The following SLC6A13 variants were observed in gnomAD, a reference collection of about 807,000 sequenced individuals.
The protein encoded by SLC6A13 is sodium- and chloride-dependent GABA transporter 2.
In SLC6A13, 69 loss-of-function variants were observed where a neutral mutation model predicts 72.9. The ratio of observed to expected loss-of-function variants is 0.95; its 90% CI spans 0.78 to 1.16. The LOEUF is 1.16. Ranked by LOEUF, SLC6A13 falls within the 50% of genes most tolerant of loss-of-function variation. SLC6A13 has a pLI of 0.00. For missense variants in SLC6A13, 735 were observed against 760.5 expected (o/e 0.97, Z 0.39); for synonymous variants, 303 against 303.0 (o/e 1.00, Z 0.00).
intron 2 of SLC6A13, among the ~76,000 whole-genome samples, chr12:256,222 T>C (rs1328770714): frequency 6.6e-6 from 1 of 152,198 alleles, no homozygotes; most frequent in East Asian, 1.9e-4. Context: ...AATTGGTCCG[T>C]TTTGATTATA....
intron 4 of SLC6A13, among the ~76,000 whole-genome samples, chr12:239,602 T>G (rs1463108257): frequency 6.6e-6 from 1 of 152,244 alleles, no homozygotes; most frequent in Admixed American, 6.5e-5. Flanking sequence ...GCTGCTGCTT[T>G]CTAAGCAGAC....
In SLC6A13 at chr12:227,649, G is replaced by A; in HGVS notation, c.851C>T (p.Thr284Ile). 1.9e-6 allele frequency: 3 copies of A among 1,611,354 alleles called. No homozygotes were observed. Among genetic ancestry groups the A allele is most frequent in the East Asian group, 2.2e-5 (1 of 44,808 alleles). Residue 284 changes from threonine to isoleucine, a missense_variant, in exon 8 of 15, where the codon ACC becomes ATC. Coordinates refer to ENST00000343164, the MANE Select transcript of SLC6A13 (RefSeq NM_016615.5). ...WDPQVWMDAG[T>I]QIFFSFAICL... ...GATGGCGAAGGAGAAGAATATCTGG[G>A]TGCCTGCATCCATCCACACCTACAA...
intron 7 of SLC6A13, among the ~76,000 whole-genome samples, chr12:231,577 C>T (rs1941710890): frequency 6.6e-6 from 1 of 152,142 alleles, no homozygotes; most frequent in African/African-American, 2.4e-5. Context: ...AGGACCAGTC[C>T]TGGCACTTGA....
At chr12:234,475 A>G (rs1400437027) in intron 7 of SLC6A13, among the ~76,000 whole-genome samples, 3 of 146,406 alleles carry the variant, frequency 2.0e-5, no homozygotes, top group Non-Finnish European at 4.5e-5. Flanking sequence ...TCATTCCTTT[A>G]TTTCATTTTA....
At chr12:226,276 T>C (rs1941448712) in intron 9 of SLC6A13, 114 bp downstream of exon 9, 1 of 1,288,654 alleles carries the variant, frequency 7.8e-7, no homozygotes, top group Non-Finnish European at 1.1e-6. Context: ...ATCCACTGAA[T>C]GGTGGCCGTA....
rs139663584 is a variant in SLC6A13 at position 250,833 on chromosome 12, C to A, written c.203-7020G>T. Among the ~76,000 whole-genome samples the A allele has an allele frequency of 7.5e-4, 62 of 82,590 alleles. 9 individuals are homozygous for A. The highest frequency in any genetic ancestry group is 1.9e-3 in the South Asian group (5 of 2,612). 54.2% of individuals were successfully genotyped at this position (82,590 alleles called of 152,430 possible). On this transcript the variant is annotated intron_variant, in intron 2 of 14. Transcript: ENST00000343164. ...ATGATAAGGACCCAAAATAGCCCCC[C>A]AAAAAAAAAAAAAAAAAAACCTAAA...
chr12:243,984 T>C (rs1174297727), intron 2 of SLC6A13, among the ~76,000 whole-genome samples, 171 bp from the exon 3 acceptor site: 1 of 88,382 alleles, frequency 1.1e-5, no homozygotes. Context: ...AGATCAAGAG[T>C]CACCCCATTA....
chr12:256,153 C>G (rs1252557484), intron 2 of SLC6A13, among the ~76,000 whole-genome samples: 1 of 152,028 alleles, frequency 6.6e-6, no homozygotes, highest in African/African-American at 2.4e-5. Context: ...CTCATTTATC[C>G]CATTTATTGT....
intron 2 of SLC6A13, 137 bp from the exon 3 acceptor site, chr12:243,950 G>C: frequency 1.4e-6 from 1 of 732,354 alleles, no homozygotes; most frequent in Non-Finnish European, 2.2e-6. Context: ...GGAGACAGCT[G>C]TCTAGATGTT....
At chr12:258,252 C>T (rs1942811140) in intron 2 of SLC6A13, among the ~76,000 whole-genome samples, 1 of 152,188 alleles carries the variant, frequency 6.6e-6, no homozygotes. Context: ...TCAAGTTAAC[C>T]TCCAACCCAG....
At chr12:221,217 C>T (rs1473218845) in intron 14 of SLC6A13, 147 bp from the exon 15 acceptor site, 12 of 1,332,036 alleles carry the variant, frequency 9.0e-6, no homozygotes, top group South Asian at 3.0e-5. Context: ...CTGTGTCTTC[C>T]CGAGACTTCT....
chr12:248,328 C>T (rs994728006), intron 2 of SLC6A13, among the ~76,000 whole-genome samples: 3 of 149,834 alleles, frequency 2.0e-5, no homozygotes, highest in East Asian at 2.0e-4. Context: ...GAGTGAACCC[C>T]GGGGGGCGGA....
At chr12:234,961 C>A in intron 7 of SLC6A13, 129 bp downstream of exon 7, 1 of 993,820 alleles carries the variant, frequency 1.0e-6, no homozygotes, top group Non-Finnish European at 1.5e-6. Context: ...AGGAAGGGTG[C>A]ACCTCTGCTG....
In SLC6A13 at chr12:221,435, C is replaced by A; in HGVS notation, c.1627G>T (p.Val543Phe). 6.2e-7 allele frequency: 1 copy of A among 1,613,780 alleles called. No homozygotes were observed. Among genetic ancestry groups the A allele is most frequent in the Non-Finnish European group, 8.5e-7 (1 of 1,179,862 alleles). The change falls in exon 14 of 15, where the codon GTC (valine) becomes TTC (phenylalanine). Residue 543 changes from valine to phenylalanine, a missense_variant. By Grantham distance (50) the Val-to-Phe change is conservative. Coordinates refer to ENST00000343164, the MANE Select transcript of SLC6A13 (RefSeq NM_016615.5). ...LGWLLALSSMVCIPAWSLYRL... is the reference protein window; with the variant it reads ...LGWLLALSSMFCIPAWSLYRL... ...TAGAGGCTCCAGGCAGGAATGCAGA[C>A]CATGGAGGACAGAGCCAGGAGCCAG...
intron 2 of SLC6A13, among the ~76,000 whole-genome samples, chr12:249,138 G>C (rs1942454297): frequency 6.6e-6 from 1 of 152,244 alleles, no homozygotes; most frequent in African/African-American, 2.4e-5. Flanking sequence ...GTACCTAGGA[G>C]ATTTACTAAA....
chr12:223,930 A>T, intron 11 of SLC6A13, 62 bp downstream of exon 11: 1 of 1,593,996 alleles, frequency 6.3e-7, no homozygotes. Flanking sequence ...TGCCTCACTG[A>T]CAGGTAGCAG....
intron 2 of SLC6A13, among the ~76,000 whole-genome samples, chr12:250,137 C>T (rs569239525): frequency 6.6e-6 from 1 of 152,250 alleles, no homozygotes; most frequent in East Asian, 1.9e-4. Context: ...GAGAAGAGAA[C>T]TTCCTCAACT....
At position 220,894 on chromosome 12, in the gene SLC6A13, C is replaced by T. The variant is rs939386772; in HGVS notation, c.*54G>A. ...CATGGGGCTGCTTCTGCCACGTTCC[C>T]TCCACAGCCATCCCCAAGGCCAGGC... On this transcript the variant is annotated 3_prime_UTR_variant, in exon 15 of 15. Transcript: ENST00000343164. The T allele has an allele frequency of 3.7e-6, 6 of 1,603,550 alleles. No individual in the cohort carries two copies. The highest frequency in any genetic ancestry group is 5.1e-6 in the Non-Finnish European group (6 of 1,178,442).
intron 2 of SLC6A13, among the ~76,000 whole-genome samples, chr12:250,833 C>CAA (rs71045051): frequency 7.3e-5 from 6 of 82,604 alleles, no homozygotes; most frequent in Non-Finnish European, 1.1e-4. Flanking sequence ...AATAGCCCCC[C>CAA]AAAAAAAAAA....
Sources: gnomAD v4.1 joint callset for allele counts (sites outside exome capture counted in the v4.1 genomes callset) on GRCh38, gnomAD v4.1.1 for gene constraint, MANE v1.5 for transcripts, NCBI Gene and HGNC (gene_info 2026-07-23, HGNC 2026-07-21) for gene names.